Variants in CCDC170 observed in about 807,000 individuals in gnomAD.
CCDC170 encodes the protein coiled-coil domain containing 170, also known as coiled-coil domain-containing protein 170.
In CCDC170, 69 loss-of-function variants were observed where a neutral mutation model predicts 72.6. The observed-to-expected ratio is 0.95, with a 90% CI of 0.78 to 1.16. The LOEUF (loss-of-function observed/expected upper bound fraction) is 1.16, where lower values mean the gene tolerates loss of function less well. Among genes scored for constraint, CCDC170 ranks in the 50% most tolerant of loss-of-function variants. CCDC170 has a pLI of 0.00. For missense variants in CCDC170, 852 were observed against 832.5 expected, an observed-to-expected ratio of 1.02 and a Z score of -0.29; for synonymous variants, 300 against 303.9, an observed-to-expected ratio of 0.99 and a Z score of 0.13.
Position 151,573,505 on chromosome 6 carries a change from G to A in CCDC170, c.1092+14G>A, listed in dbSNP as rs1583032749. On this transcript the variant is annotated intron_variant, in intron 6 of 10. Transcript: ENST00000239374. ...AGCAGGGACCGGGTGAGTGGGTCAT[G>A]GCTGTTTACAGACATCTTAAGAACA... 6.2e-7 allele frequency: 1 copy of A among 1,607,860 alleles called. No individual in the cohort carries two copies. Among genetic ancestry groups the A allele is most frequent in the Non-Finnish European group, 8.5e-7 (1 of 1,176,448 alleles).
chr6:151,568,232 ACAGCAG>A (rs1776167385), intron 5 of CCDC170, among the ~76,000 whole-genome samples: 1 of 152,078 alleles, frequency 6.6e-6, no homozygotes, highest in African/African-American at 2.4e-5. Flanking sequence ...GGGACTGTGA[ACAGCAG>A]GTGCAGGAGT....
chr6:151,527,202 A>T (rs1472011703), intron 1 of CCDC170, among the ~76,000 whole-genome samples: 2 of 151,944 alleles, frequency 1.3e-5, no homozygotes, highest in African/African-American at 4.8e-5. Flanking sequence ...TAGCCATATT[A>T]GAAGGATTTT....
chr6:151,522,730 T>C (rs917929921), intron 1 of CCDC170, among the ~76,000 whole-genome samples: 2 of 152,164 alleles, frequency 1.3e-5, no homozygotes, highest in Non-Finnish European at 2.9e-5. Flanking sequence ...TGCTGAGAAT[T>C]AAAAAGAAAA....
At chr6:151,535,456 T>C (rs1562274337) in intron 1 of CCDC170, among the ~76,000 whole-genome samples, 1 of 152,166 alleles carries the variant, frequency 6.6e-6, no homozygotes, top group African/African-American at 2.4e-5. Context: ...GAGAATATGA[T>C]GGTTATGAGG....
At chr6:151,594,940 C>T (rs1776598235) in intron 8 of CCDC170, among the ~76,000 whole-genome samples, 1 of 152,166 alleles carries the variant, frequency 6.6e-6, no homozygotes, top group African/African-American at 2.4e-5. Context: ...CATGAGCCAC[C>T]ATGCCCAGCC....
intron 9 of CCDC170, among the ~76,000 whole-genome samples, chr6:151,611,012 G>T (rs1776861026): frequency 6.6e-6 from 1 of 152,098 alleles, no homozygotes; most frequent in Non-Finnish European, 1.5e-5. Context: ...TGTCTAGAAA[G>T]GTGTCTTAGT....
At chr6:151,501,258 T>G (rs1302224011) in intron 1 of CCDC170, among the ~76,000 whole-genome samples, 3 of 152,114 alleles carry the variant, frequency 2.0e-5, no homozygotes, top group Non-Finnish European at 4.4e-5. Flanking sequence ...AGGTCAGGAT[T>G]TGGGGAGACT....
Position 151,521,270 on chromosome 6 carries a change from C to G in CCDC170, c.58-15048C>G, listed in dbSNP as rs112829272. 3.3e-3 allele frequency among the ~76,000 whole-genome samples: 504 copies of G among 152,256 alleles called. 2 individuals carry two copies. The highest frequency in any genetic ancestry group is 0.012 in the African/African-American group (491 of 41,540). ...GATGGGATCCTAAACTGGAGTCTAC[C>G]TATGCCTGTCCCAAAAAGAGTGTTG... On this transcript the variant is annotated intron_variant, in intron 1 of 10. Coordinates refer to ENST00000239374, the MANE Select transcript of CCDC170 (RefSeq NM_025059.4).
At chr6:151,566,310 C>T (rs1272104391) in intron 5 of CCDC170, among the ~76,000 whole-genome samples, 1 of 152,170 alleles carries the variant, frequency 6.6e-6, no homozygotes, top group Non-Finnish European at 1.5e-5. Context: ...ATAAATGTTC[C>T]AGTTCTTTTA....
chr6:151,509,222 GTATCTATC>G (rs59062141), intron 1 of CCDC170, among the ~76,000 whole-genome samples: 151 of 127,418 alleles, frequency 1.2e-3, no homozygotes, highest in South Asian at 2.2e-3. Flanking sequence ...ATCTATCTAT[GTATCTATC>G]TATCTATCTA....
chr6:151,517,361 T>A (rs1212749916), intron 1 of CCDC170, among the ~76,000 whole-genome samples: 1 of 151,996 alleles, frequency 6.6e-6, no homozygotes, highest in Non-Finnish European at 1.5e-5. Context: ...GAAAATTATT[T>A]TGGGGCTGCT....
chr6:151,586,707 A>G (rs1231486145), intron 7 of CCDC170, among the ~76,000 whole-genome samples: 2 of 151,830 alleles, frequency 1.3e-5, no homozygotes, highest in Admixed American at 6.6e-5. Context: ...ATGAAGATGG[A>G]GTGTTCTTTA....
intron 9 of CCDC170, among the ~76,000 whole-genome samples, chr6:151,601,039 G>C (rs1349435018): frequency 6.6e-6 from 1 of 152,174 alleles, no homozygotes; most frequent in Non-Finnish European, 1.5e-5. Context: ...TTTTCCTGCT[G>C]CTGATAAAGA....
chr6:151,604,932 A>G (rs1391262217), intron 9 of CCDC170, among the ~76,000 whole-genome samples: 1 of 152,156 alleles, frequency 6.6e-6, no homozygotes, highest in East Asian at 1.9e-4. Context: ...CTATTTGAAA[A>G]CGTACAATAA....
chr6:151,575,516 CT>C (rs1222393187), intron 6 of CCDC170, among the ~76,000 whole-genome samples: 1 of 109,392 alleles, frequency 9.1e-6, no homozygotes, highest in African/African-American at 3.4e-5. Flanking sequence ...ATTTTCTTTT[CT>C]TTTCTTTCTT....
At chr6:151,523,711 T>C (rs1583008733) in intron 1 of CCDC170, among the ~76,000 whole-genome samples, 1 of 152,134 alleles carries the variant, frequency 6.6e-6, no homozygotes, top group Non-Finnish European at 1.5e-5. Flanking sequence ...ATCATTGAAT[T>C]CTTGTTTTAA....
At chr6:151,521,345 A>G (rs1019378749) in intron 1 of CCDC170, among the ~76,000 whole-genome samples, 2 of 152,232 alleles carry the variant, frequency 1.3e-5, no homozygotes, top group African/African-American at 2.4e-5. Context: ...GCTAAGCACT[A>G]CAGTATAAGA....
At chr6:151,578,513 TG>T (rs1776335356) in intron 6 of CCDC170, among the ~76,000 whole-genome samples, 1 of 152,208 alleles carries the variant, frequency 6.6e-6, no homozygotes, top group Admixed American at 6.5e-5. Flanking sequence ...CTCAGTCATC[TG>T]GGATTAGGGT....
At chr6:151,611,860 G>A (rs6937649) in intron 9 of CCDC170, among the ~76,000 whole-genome samples, 1,752 of 152,002 alleles carry the variant, frequency 0.012, 32 homozygotes, top group African/African-American at 0.04. Context: ...ACAGGCCCCC[G>A]CCACCACAAC....
Sources: gnomAD v4.1 joint callset for allele counts (sites outside exome capture counted in the v4.1 genomes callset) on GRCh38, gnomAD v4.1.1 for gene constraint, MANE v1.5 for transcripts, NCBI Gene and HGNC (gene_info 2026-07-23, HGNC 2026-07-21) for gene names.